The following CAMTA1 variants were observed in gnomAD, a reference collection of about 807,000 sequenced individuals.
CAMTA1 encodes the protein calmodulin binding transcription activator 1.
CAMTA1 carries 27 observed loss-of-function variants against 170.9 expected under a neutral mutation model. The ratio of observed to expected loss-of-function variants is 0.16; its 90% CI spans 0.12 to 0.22. CAMTA1 has a LOEUF of 0.22. Ranked by LOEUF, CAMTA1 falls within the 10% of genes least tolerant of loss-of-function variation. The pLI is 1.00. For missense variants in CAMTA1, 1,619 were observed against 2,217.2 expected, an observed-to-expected ratio of 0.73 and a Z score of 5.42; for synonymous variants, 833 against 891.5, an observed-to-expected ratio of 0.93 and a Z score of 1.17.
chr1:7,375,187 A>C (rs891397353), intron 5 of CAMTA1, among the ~76,000 whole-genome samples: 4 of 152,142 alleles, frequency 2.6e-5, no homozygotes, highest in African/African-American at 4.8e-5. Flanking sequence ...GGATGAATGA[A>C]TCTGTGGCTG....
At chr1:7,523,380 G>A (rs923281111) in intron 6 of CAMTA1, among the ~76,000 whole-genome samples, 7 of 152,172 alleles carry the variant, frequency 4.6e-5, no homozygotes, top group African/African-American at 4.8e-5. Context: ...ATGACTATCC[G>A]AAATATTGCT....
Position 7,060,840 on chromosome 1 carries a change from C to T in CAMTA1, c.235-30464C>T, listed in dbSNP as rs115412872. Among the ~76,000 whole-genome samples the T allele has an allele frequency of 2.8e-3, 423 of 152,308 alleles. 3 individuals carry two copies. The highest frequency in any genetic ancestry group is 9.1e-3 in the African/African-American group (380 of 41,570). ...TCCAATTTCCCAGGAGCACGGAAAGCGTTGCCAGGAAAGCGGAGTTGCTGG... is the reference window on the plus strand; with the variant it reads ...TCCAATTTCCCAGGAGCACGGAAAGTGTTGCCAGGAAAGCGGAGTTGCTGG... On this transcript the variant is annotated intron_variant, in intron 3 of 22. Transcript: ENST00000303635.
chr1:6,796,970 C>T (rs142135364), intron 1 of CAMTA1, among the ~76,000 whole-genome samples: 268 of 152,204 alleles, frequency 1.8e-3, no homozygotes, highest in African/African-American at 6.3e-3. Flanking sequence ...AGAAATAAAA[C>T]GTGTTATATT....
chr1:7,453,000 AG>A (rs35519579), intron 5 of CAMTA1, among the ~76,000 whole-genome samples: 21,711 of 152,246 alleles, frequency 0.14, 1,749 homozygotes, highest in Non-Finnish European at 0.19. Flanking sequence ...CTAGACTCCA[AG>A]GAAACACAGA....
chr1:6,869,870 C>T (rs578162000), intron 3 of CAMTA1, among the ~76,000 whole-genome samples: 1 of 152,246 alleles, frequency 6.6e-6, no homozygotes, highest in Admixed American at 6.5e-5. Context: ...AAACTTTTGG[C>T]AGAGATTAAG....
chr1:7,275,146 C>A (rs80344590), intron 5 of CAMTA1, among the ~76,000 whole-genome samples: 494 of 83,466 alleles, frequency 5.9e-3, no homozygotes, highest in Middle Eastern at 0.01. Context: ...GATTCCATCT[C>A]AAAAAAAAAA....
intron 3 of CAMTA1, chr1:6,872,136 G>C: frequency 3.1e-6 from 1 of 321,208 alleles, no homozygotes; most frequent in Non-Finnish European, 4.8e-6. Context: ...TGATATTTAC[G>C]TATAACTTAC....
At chr1:7,663,285 T>G (rs1576681852) in intron 8 of CAMTA1, 68 bp from the exon 9 acceptor site, 1 of 1,489,810 alleles carries the variant, frequency 6.7e-7, no homozygotes, top group Non-Finnish European at 9.0e-7. Context: ...CTCTCTTTTG[T>G]GTGTGCATGT....
intron 3 of CAMTA1, among the ~76,000 whole-genome samples, chr1:6,909,300 A>G (rs188823334): frequency 5.3e-5 from 8 of 152,368 alleles, no homozygotes; most frequent in African/African-American, 1.7e-4. Context: ...TGGATACAGT[A>G]TGTCTGAATT....
chr1:6,943,480 C>T (rs1320581762), intron 3 of CAMTA1, among the ~76,000 whole-genome samples: 1 of 152,176 alleles, frequency 6.6e-6, no homozygotes, highest in East Asian at 1.9e-4. Flanking sequence ...CTGCCCTTTC[C>T]TCCCTCAGCG....
intron 3 of CAMTA1, among the ~76,000 whole-genome samples, chr1:7,025,875 G>A (rs998101917): frequency 3.3e-5 from 5 of 152,152 alleles, no homozygotes; most frequent in Admixed American, 6.5e-5. Flanking sequence ...TCAACACTTC[G>A]GGAGGCTGAG....
chr1:7,493,651 G>C (rs1370173011), intron 6 of CAMTA1, among the ~76,000 whole-genome samples: 5 of 24,852 alleles, frequency 2.0e-4, no homozygotes, highest in African/African-American at 1.3e-3. Context: ...ACTGGGGGGG[G>C]GGGGGGGTCA....
rs1034127668 is a variant in CAMTA1, at chr1:7,249,726, C to T, written c.438+100C>T. 2.9e-6 allele frequency: 4 copies of T among 1,396,568 alleles called. No individual in the cohort carries two copies. The Admixed American group carries it at 1.0e-4, about 36-fold the overall frequency. The allele number at this position is 1,396,568 out of a possible 1,614,324, so 86.5% of individuals were successfully genotyped here. ...GTAATTTGATGCGAGTCACCTCTGT[C>T]CAAAGAATTTTTGTTTGCCAAGACC... is the stretch of plus-strand genomic sequence containing the variant. On this transcript the variant is annotated intron_variant, in intron 5 of 22. Coordinates refer to ENST00000303635, the MANE Select transcript of CAMTA1 (RefSeq NM_015215.4). The surrounding 1 kb of genome is among the most constrained non-coding windows in gnomAD (Gnocchi z 4.4).
intron 3 of CAMTA1, among the ~76,000 whole-genome samples, chr1:7,070,718 A>C (rs1638528070): frequency 6.6e-6 from 1 of 152,100 alleles, no homozygotes; most frequent in Non-Finnish European, 1.5e-5. Flanking sequence ...TAGGGAGGGG[A>C]CCAGAGAGGG....
chr1:7,644,020 C>T (rs189252079), intron 7 of CAMTA1, among the ~76,000 whole-genome samples: 4 of 152,344 alleles, frequency 2.6e-5, no homozygotes, highest in East Asian at 1.9e-4. Context: ...ACATAAATCG[C>T]GTGCCTTCGA....
intron 3 of CAMTA1, among the ~76,000 whole-genome samples, chr1:6,868,319 AAAAAC>A (rs548053878): frequency 0.019 from 2,657 of 140,548 alleles, 38 homozygotes; most frequent in South Asian, 0.032. Flanking sequence ...TTTTTTTTTT[AAAAAC>A]AAAACAAAAC....
intron 3 of CAMTA1, among the ~76,000 whole-genome samples, chr1:7,011,439 C>T (rs1042228064): frequency 6.6e-6 from 1 of 152,158 alleles, no homozygotes; most frequent in Admixed American, 6.5e-5. Flanking sequence ...TGCCCATTCC[C>T]ATCTTTCTAG....
chr1:7,635,140 T>A lies in CAMTA1; in HGVS notation c.511-5260T>A, dbSNP rs1022070979. Among the ~76,000 whole-genome samples the A allele has an allele frequency of 3.3e-5, 5 of 152,128 alleles. No individual in the cohort carries two copies. Among genetic ancestry groups the A allele is most frequent in the Non-Finnish European group, 7.4e-5 (5 of 68,012 alleles). On this transcript the variant is annotated intron_variant, in intron 6 of 22. Transcript: ENST00000303635. This position sits in a 1 kb window ranked among gnomAD's most constrained non-coding sequence, Gnocchi z 4.4. ...CTCATCTCCAAAGGTCACGATCACT[T>A]TGGGGGGTGACCCCTAGCATCTCTC...
intron 5 of CAMTA1, among the ~76,000 whole-genome samples, chr1:7,311,505 G>A (rs1315818032): frequency 6.6e-6 from 1 of 151,918 alleles, no homozygotes; most frequent in Non-Finnish European, 1.5e-5. Flanking sequence ...TTTTTAGAGT[G>A]TTTACCCTTA....
Sources: allele counts gnomAD v4.1 joint callset (sites outside exome capture counted in the v4.1 genomes callset), GRCh38; gene constraint gnomAD v4.1.1; non-coding constraint Gnocchi (gnomAD v3.1); transcripts MANE v1.5; gene names NCBI Gene and HGNC (gene_info 2026-07-23, HGNC 2026-07-21).